Variants in PGAP4 observed in about 807,000 individuals in gnomAD.
The protein encoded by PGAP4 is GPI-N-acetylgalactosamine transferase PGAP4.
A neutral mutation model predicts 28.2 loss-of-function variants in PGAP4; 12 were observed. The ratio of observed to expected loss-of-function variants is 0.42; its 90% CI spans 0.27 to 0.69. The LOEUF (loss-of-function observed/expected upper bound fraction) is 0.69, where lower values mean the gene tolerates loss of function less well. PGAP4 is among the 30% of genes least tolerant of loss of function. PGAP4 has a pLI of 0.22. For missense variants in PGAP4, 425 were observed against 513.5 expected (o/e 0.83, Z 1.67); for synonymous variants, 205 against 211.8 (o/e 0.97, Z 0.28).
At chr9:101,489,994 A>G (rs1466449472), upstream of PGAP4, among the ~76,000 whole-genome samples, 1 of 152,066 alleles carries the variant, frequency 6.6e-6, no homozygotes, top group Non-Finnish European at 1.5e-5. Flanking sequence ...AGGACAAACA[A>G]TACGAAACAT....
exon 1 of PGAP4, chr9:101,532,960 A>T (rs1827117703): frequency 6.6e-6 from 1 of 152,202 alleles, no homozygotes; most frequent in Non-Finnish European, 1.5e-5. Flanking sequence ...CTAGACCCTT[A>T]GCTGACGTCA....
At chr9:101,488,835 T>A (rs2118567556), upstream of PGAP4, among the ~76,000 whole-genome samples, 1 of 152,282 alleles carries the variant, frequency 6.6e-6, no homozygotes, top group Non-Finnish European at 1.5e-5. Flanking sequence ...CTATAGAACA[T>A]CCCATCATCA....
intron 2 of PGAP4, among the ~76,000 whole-genome samples, chr9:101,507,475 G>C (rs1012555574): frequency 7.9e-5 from 12 of 152,080 alleles, no homozygotes; most frequent in Admixed American, 7.9e-4. Flanking sequence ...GGATATTGCT[G>C]TCTGTGAGTC....
At chr9:101,518,081 G>T (rs1024441043) in intron 2 of PGAP4, among the ~76,000 whole-genome samples, 6 of 151,862 alleles carry the variant, frequency 4.0e-5, no homozygotes, top group African/African-American at 1.5e-4. Flanking sequence ...TTCCATCTTT[G>T]TGTCCACGTG....
intron 2 of PGAP4, among the ~76,000 whole-genome samples, chr9:101,513,298 A>G (rs1200605345): frequency 1.3e-5 from 2 of 152,114 alleles, no homozygotes; most frequent in Admixed American, 6.6e-5. Flanking sequence ...CTGCCCTCTA[A>G]CCATCACCTA....
At chr9:101,489,474 C>T (rs73501265), upstream of PGAP4, among the ~76,000 whole-genome samples, 1,843 of 152,210 alleles carry the variant, frequency 0.012, 29 homozygotes, top group African/African-American at 0.04. Flanking sequence ...TATTACTTAT[C>T]CTAGGCCTGA....
intron 2 of PGAP4, among the ~76,000 whole-genome samples, chr9:101,518,088 C>T (rs1195554130): frequency 6.6e-6 from 1 of 151,986 alleles, no homozygotes; most frequent in Non-Finnish European, 1.5e-5. Context: ...TTTGTGTCCA[C>T]GTGTACTCAA....
intron 2 of PGAP4, among the ~76,000 whole-genome samples, chr9:101,493,029 C>T (rs1588203770): frequency 1.3e-5 from 2 of 151,840 alleles, no homozygotes; most frequent in South Asian, 2.1e-4. Flanking sequence ...CCGAGGCGGG[C>T]GGATCACGAG....
upstream of PGAP4, among the ~76,000 whole-genome samples, chr9:101,490,479 T>C (rs1290864579): frequency 2.0e-5 from 3 of 152,198 alleles, no homozygotes; most frequent in Non-Finnish European, 4.4e-5. Context: ...CGTGAGCCAC[T>C]GCGCTCAGCC....
At chr9:101,512,683 T>TAAC (rs1012290956) in intron 2 of PGAP4, among the ~76,000 whole-genome samples, 5 of 152,190 alleles carry the variant, frequency 3.3e-5, no homozygotes, top group South Asian at 4.1e-4. Flanking sequence ...CTATTAACAA[T>TAAC]AACAACAACA....
chr9:101,491,748 CT>C (rs1305142526), upstream of PGAP4, among the ~76,000 whole-genome samples: 2 of 142,666 alleles, frequency 1.4e-5, no homozygotes, highest in African/African-American at 5.2e-5. Flanking sequence ...TATGTATAAA[CT>C]CAAAGAATAT....
At chr9:101,524,296 G>A (rs1427917826) in intron 2 of PGAP4, among the ~76,000 whole-genome samples, 3 of 151,876 alleles carry the variant, frequency 2.0e-5, no homozygotes, top group African/African-American at 7.3e-5. Flanking sequence ...CAGCTCCCAT[G>A]CAAACCGAAG....
chr9:101,531,213 C>CAT (rs764433963), intron 2 of PGAP4: 2,776 of 151,994 alleles, frequency 0.018, 27 homozygotes, highest in Non-Finnish European at 0.028. Flanking sequence ...CACACACACA[C>CAT]ACACACACAC....
At chr9:101,511,487 GA>G (rs1244208243) in intron 2 of PGAP4, among the ~76,000 whole-genome samples, 1 of 152,192 alleles carries the variant, frequency 6.6e-6, no homozygotes, top group Non-Finnish European at 1.5e-5. Flanking sequence ...GCATGAAAAA[GA>G]ATATTGTCAA....
At chr9:101,495,874 A>G (rs1440255881) in intron 2 of PGAP4, among the ~76,000 whole-genome samples, 1 of 151,282 alleles carries the variant, frequency 6.6e-6, no homozygotes, top group African/African-American at 2.4e-5. Flanking sequence ...ACATCCTCCC[A>G]TAGTGTGATT....
intron 2 of PGAP4, among the ~76,000 whole-genome samples, chr9:101,525,843 C>G (rs1179007992): frequency 1.3e-5 from 2 of 151,778 alleles, no homozygotes; most frequent in East Asian, 3.9e-4. Flanking sequence ...ACTTTAATGA[C>G]TACATAGAAT....
At chr9:101,523,146 AC>A (rs1827002277) in intron 2 of PGAP4, among the ~76,000 whole-genome samples, 2 of 151,766 alleles carry the variant, frequency 1.3e-5, no homozygotes, top group African/African-American at 4.8e-5. Flanking sequence ...CTTCTGCCTC[AC>A]AGCTCTTAAG....
At chr9:101,480,363 G>GTTGTTGT (rs1554707802) in intron 1 of PGAP4, among the ~76,000 whole-genome samples, 5 of 151,458 alleles carry the variant, frequency 3.3e-5, no homozygotes, top group African/African-American at 4.9e-5. Context: ...TGTTGTTGTT[G>GTTGTTGT]TTGTTTGTTT....
At chr9:101,477,589 A>G (rs1826364692) in intron 1 of PGAP4, among the ~76,000 whole-genome samples, 2 of 152,206 alleles carry the variant, frequency 1.3e-5, no homozygotes, top group South Asian at 4.1e-4. Flanking sequence ...AGCAAGTTCC[A>G]GAATAAGGGC....
Sources: gnomAD v4.1 joint callset for allele counts (sites outside exome capture counted in the v4.1 genomes callset) on GRCh38, gnomAD v4.1.1 for gene constraint, MANE v1.5 for transcripts, NCBI Gene and HGNC (gene_info 2026-07-23, HGNC 2026-07-21) for gene names.